Variants in PDE4D observed in about 807,000 individuals in gnomAD.
PDE4D encodes the protein 3',5'-cyclic-AMP phosphodiesterase 4D.
A neutral mutation model predicts 87.4 loss-of-function variants in PDE4D; 24 were observed. The observed-to-expected ratio is 0.27, with a 90% confidence interval of 0.20 to 0.39. The LOEUF is 0.39. Ranked by LOEUF, PDE4D falls within the 10% of genes least tolerant of loss-of-function variation. The pLI, the probability that PDE4D is intolerant of heterozygous loss-of-function variation, is 1.00. For synonymous variants in PDE4D, 384 were observed against 383.2 expected, an observed-to-expected ratio of 1.00 and a Z score of -0.02; for missense variants, 714 against 1,041.0, an observed-to-expected ratio of 0.69 and a Z score of 4.32.
At chr5:60,225,437 G>T (rs1029154730) in intron 1 of PDE4D, among the ~76,000 whole-genome samples, 1 of 148,188 alleles carries the variant, frequency 6.7e-6, no homozygotes, top group Admixed American at 6.8e-5. Flanking sequence ...CAGAACTACA[G>T]GTAAAAGGGA....
chr5:59,202,946 T>C (rs1747848817), intron 2 of PDE4D, among the ~76,000 whole-genome samples: 1 of 152,224 alleles, frequency 6.6e-6, no homozygotes, highest in South Asian at 2.1e-4. Flanking sequence ...AAATTTAAAC[T>C]GTTTGCTCAC....
At chr5:60,109,384 G>T (rs950607230) in intron 2 of PDE4D, among the ~76,000 whole-genome samples, 9 of 151,706 alleles carry the variant, frequency 5.9e-5, no homozygotes, top group African/African-American at 1.5e-4. Context: ...AGGATGTGGA[G>T]AAATAGGAAC....
Position 59,861,068 on chromosome 5 carries a change from G to A in PDE4D, c.455+32100C>T, listed in dbSNP as rs933531924. Reference sequence around the variant, plus strand: ...GTATTTTTACTAGAGATGGAGTTTCGCCATGTTGGCCAGGCTGGTTTCGAA... The same window carrying A: ...GTATTTTTACTAGAGATGGAGTTTCACCATGTTGGCCAGGCTGGTTTCGAA... On this transcript the variant is annotated intron_variant, in intron 1 of 14. Coordinates refer to ENST00000340635, the MANE Select transcript of PDE4D (RefSeq NM_001104631.2). Among the ~76,000 whole-genome samples, 87 of 145,380 alleles carry A rather than the reference G, an allele frequency of 6.0e-4. 1 individual carries two copies. Among genetic ancestry groups the A allele is most frequent in the Non-Finnish European group, 8.7e-4 (58 of 66,708 alleles).
chr5:60,167,708 G>A (rs186451734), intron 2 of PDE4D, among the ~76,000 whole-genome samples: 4 of 152,136 alleles, frequency 2.6e-5, no homozygotes, highest in Admixed American at 2.6e-4. Context: ...GTCACTTAAT[G>A]TTCTCCTTTT....
At position 60,474,077 on chromosome 5, in the gene PDE4D, G is replaced by C. The variant is rs1166890057; in HGVS notation, c.-90+13865C>G. Among the ~76,000 whole-genome samples, 10 of 106,018 alleles carry C rather than the reference G, an allele frequency of 9.4e-5. No individual in the cohort carries two copies. The Admixed American group carries it at 1.3e-3, about 13-fold the overall frequency. 69.6% of individuals were successfully genotyped at this position (106,018 alleles called of 152,430 possible). On this transcript the variant is annotated intron_variant, in intron 1 of 16. Coordinates refer to the PDE4D transcript ENST00000502484. ...AGGCAGGTGTTGACCTCTGTGTCTG[G>C]CTTACTGTCTCAGTCCCTTTGAGCT...
At chr5:60,408,139 G>A (rs1025448883) in intron 1 of PDE4D, among the ~76,000 whole-genome samples, 2 of 152,048 alleles carry the variant, frequency 1.3e-5, no homozygotes, top group African/African-American at 4.8e-5. Flanking sequence ...CCTGGCATCC[G>A]GTCTCCCCTG....
chr5:59,151,945 A>G (rs984227879), intron 5 of PDE4D, among the ~76,000 whole-genome samples: 6 of 152,280 alleles, frequency 3.9e-5, no homozygotes, highest in Admixed American at 1.3e-4. Flanking sequence ...GATATAAGGA[A>G]AGGAAAAAGG....
At chr5:59,753,287 G>C (rs116675803) in intron 1 of PDE4D, among the ~76,000 whole-genome samples, 5 of 152,096 alleles carry the variant, frequency 3.3e-5, no homozygotes, top group African/African-American at 1.2e-4. Flanking sequence ...TATTGGGAGG[G>C]AACAGAACAG....
At chr5:59,168,077 A>C (rs1782171614) in intron 5 of PDE4D, among the ~76,000 whole-genome samples, 1 of 152,120 alleles carries the variant, frequency 6.6e-6, no homozygotes, top group South Asian at 2.1e-4. Flanking sequence ...CCACAAAAAA[A>C]CAAAACAAAA....
chr5:60,301,275 A>C (rs1392635290), intron 1 of PDE4D, among the ~76,000 whole-genome samples: 1 of 152,182 alleles, frequency 6.6e-6, no homozygotes, highest in African/African-American at 2.4e-5. Context: ...TTTAATGGGA[A>C]TAGCATGAAT....
At chr5:59,564,987 G>A (rs1820633158) in intron 1 of PDE4D, among the ~76,000 whole-genome samples, 1 of 152,162 alleles carries the variant, frequency 6.6e-6, no homozygotes, top group Non-Finnish European at 1.5e-5. Context: ...TAGTCAGAAG[G>A]AACACCATGG....
At chr5:59,011,903 A>G (rs956097348) in intron 6 of PDE4D, among the ~76,000 whole-genome samples, 4 of 152,234 alleles carry the variant, frequency 2.6e-5, no homozygotes, top group African/African-American at 9.6e-5. Flanking sequence ...GCAGCCAGAG[A>G]GAAAGGTCGG....
chr5:60,097,288 T>TGTGTGTGTGTGTG (rs1562088754), intron 2 of PDE4D, among the ~76,000 whole-genome samples: 5 of 151,556 alleles, frequency 3.3e-5, no homozygotes, highest in Admixed American at 6.6e-5. Context: ...TGTGTGTGTG[T>TGTGTGTGTGTGTG]TTAACAAATA....
intron 1 of PDE4D, among the ~76,000 whole-genome samples, chr5:59,299,840 T>G (rs1196107578): frequency 1.3e-5 from 2 of 152,334 alleles, no homozygotes; most frequent in East Asian, 3.9e-4. Flanking sequence ...CCAGGCGCAG[T>G]GGCTCACGCC....
intron 1 of PDE4D, among the ~76,000 whole-genome samples, chr5:59,712,010 CTTCAGGCCTT>C (rs1392620744): frequency 6.6e-6 from 1 of 152,006 alleles, no homozygotes; most frequent in Non-Finnish European, 1.5e-5. Context: ...AGTACATTTC[CTTCAGGCCTT>C]TTCAAAGTTT....
At chr5:60,267,365 AAAT>A (rs755702478) in intron 1 of PDE4D, among the ~76,000 whole-genome samples, 4 of 152,208 alleles carry the variant, frequency 2.6e-5, no homozygotes, top group Non-Finnish European at 5.9e-5. Flanking sequence ...CATAGTATAT[AAAT>A]AAAAATATTT....
At chr5:59,538,578 G>C (rs901992420) in intron 1 of PDE4D, among the ~76,000 whole-genome samples, 9 of 152,058 alleles carry the variant, frequency 5.9e-5, no homozygotes, top group African/African-American at 2.2e-4. Context: ...TCCCCTTGCT[G>C]CTGGTCCAAG....
chr5:59,539,853 A>G (rs1170251030), intron 1 of PDE4D, among the ~76,000 whole-genome samples: 1 of 151,976 alleles, frequency 6.6e-6, no homozygotes, highest in Non-Finnish European at 1.5e-5. Flanking sequence ...CACACACACG[A>G]ACTATGAATT....
intron 1 of PDE4D, among the ~76,000 whole-genome samples, chr5:59,618,161 T>C (rs1461613094): frequency 6.6e-6 from 1 of 152,130 alleles, no homozygotes; most frequent in African/African-American, 2.4e-5. Flanking sequence ...GAGAAGTAAA[T>C]CAATGAGTAG....
Sources: gnomAD v4.1 joint callset for allele counts (sites outside exome capture counted in the v4.1 genomes callset) on GRCh38, gnomAD v4.1.1 for gene constraint, MANE v1.5 for transcripts, NCBI Gene and HGNC (gene_info 2026-07-23, HGNC 2026-07-21) for gene names.